IL1RAPL2: variants seen among roughly 807,000 people sequenced by gnomAD.
IL1RAPL2 encodes interleukin 1 receptor accessory protein like 2.
Under a neutral mutation model 44.1 loss-of-function variants are expected in IL1RAPL2, and 3 were observed. The observed-to-expected ratio is 0.07, with a 90% CI of 0.03 to 0.18. The LOEUF (loss-of-function observed/expected upper bound fraction) is 0.18. Among genes scored for constraint, IL1RAPL2 ranks in the 10% least tolerant of loss-of-function variants. The pLI is 1.00. For synonymous variants in IL1RAPL2, 181 were observed against 178.8 expected (o/e 1.01, Z -0.10); for missense variants, 391 against 496.4 (o/e 0.79, Z 2.02).
chrX:105,413,018 A>G (rs1488121494), intron 5 of IL1RAPL2, among the ~76,000 whole-genome samples: 11 of 111,704 alleles, frequency 9.8e-5, no homozygotes, highest in Admixed American at 2.9e-4. Flanking sequence ...ATCTCTACAT[A>G]GATGGCTGGA....
At chrX:105,178,081 TTCTA>T (rs1238543146) in intron 2 of IL1RAPL2, among the ~76,000 whole-genome samples, 3 of 111,882 alleles carry the variant, frequency 2.7e-5, no homozygotes, top group African/African-American at 9.8e-5. Context: ...ATCTTGTTTC[TTCTA>T]TCTAACCATA....
chrX:105,155,163 C>G (rs2033259300), intron 2 of IL1RAPL2, among the ~76,000 whole-genome samples: 1 of 111,428 alleles, frequency 9.0e-6, no homozygotes, highest in African/African-American at 3.3e-5. Flanking sequence ...TGCTTACCCC[C>G]TAGTGTCTTT....
intron 2 of IL1RAPL2, among the ~76,000 whole-genome samples, chrX:104,897,758 G>A (rs1048840630): frequency 3.6e-5 from 4 of 112,058 alleles, no homozygotes; most frequent in Non-Finnish European, 7.5e-5. Flanking sequence ...GCATTATAGT[G>A]CCTGTGACCT....
In IL1RAPL2 at chrX:104,600,832, G is replaced by T. The variant is rs1311483660; in HGVS notation, c.-20+33781G>T. Among the ~76,000 whole-genome samples, 7 of 111,429 alleles carry T rather than the reference G, an allele frequency of 6.3e-5. No homozygotes were observed. The Admixed American group carries it at 6.7e-4, about 11-fold the overall frequency. On this transcript the variant is annotated intron_variant, in intron 1 of 10. Coordinates refer to ENST00000372582, the MANE Select transcript of IL1RAPL2 (RefSeq NM_017416.2). ...TGGCTCCAGCTCCACCCATATTGCT[G>T]CAAAGGACATGATTTCATTATTTTT...
chrX:104,616,942 T>C (rs1051194586), intron 1 of IL1RAPL2, among the ~76,000 whole-genome samples: 6 of 111,962 alleles, frequency 5.4e-5, no homozygotes, highest in African/African-American at 1.9e-4. Flanking sequence ...GGTGAACCCA[T>C]TGGGTGGATA....
At chrX:104,721,518 G>A (rs1190718150) in intron 2 of IL1RAPL2, among the ~76,000 whole-genome samples, 1 of 110,262 alleles carries the variant, frequency 9.1e-6, no homozygotes, top group African/African-American at 3.3e-5. Context: ...AACACACATT[G>A]GGGCCTCTTG....
At chrX:104,599,813 T>C (rs1477271459) in intron 1 of IL1RAPL2, among the ~76,000 whole-genome samples, 2 of 111,389 alleles carry the variant, frequency 1.8e-5, no homozygotes, top group Non-Finnish European at 1.9e-5. Context: ...CAAGTTGTGC[T>C]GACGAGGGAG....
intron 2 of IL1RAPL2, among the ~76,000 whole-genome samples, chrX:105,143,562 T>A (rs936598144): frequency 5.4e-5 from 6 of 111,881 alleles, no homozygotes; most frequent in African/African-American, 1.3e-4. Flanking sequence ...CTAGAACTAG[T>A]AATACCATTT....
intron 2 of IL1RAPL2, among the ~76,000 whole-genome samples, chrX:104,978,790 T>C (rs1384583922): frequency 8.9e-6 from 1 of 111,998 alleles, no homozygotes; most frequent in East Asian, 2.8e-4. Context: ...CTTAGGAAAT[T>C]TATAGAACCT....
At chrX:105,477,919 G>T (rs2036208701) in intron 5 of IL1RAPL2, among the ~76,000 whole-genome samples, 1 of 111,770 alleles carries the variant, frequency 8.9e-6, no homozygotes, top group South Asian at 3.7e-4. Flanking sequence ...TTCAGAACTT[G>T]AGAAGTATTT....
At chrX:104,959,766 G>T (rs1335452445) in intron 2 of IL1RAPL2, among the ~76,000 whole-genome samples, 1 of 110,534 alleles carries the variant, frequency 9.0e-6, no homozygotes, top group Non-Finnish European at 1.9e-5. Flanking sequence ...AAAACATTGG[G>T]CAATCCCATA....
chrX:104,680,396 A>G (rs1930870483), intron 2 of IL1RAPL2, among the ~76,000 whole-genome samples: 1 of 111,288 alleles, frequency 9.0e-6, no homozygotes, highest in African/African-American at 3.3e-5. Context: ...GATAGCTTTC[A>G]TAAAATTTTC....
At chrX:105,033,229 A>T (rs897134968) in intron 2 of IL1RAPL2, among the ~76,000 whole-genome samples, 1 of 111,401 alleles carries the variant, frequency 9.0e-6, no homozygotes, top group Non-Finnish European at 1.9e-5. Context: ...TTACCTTTAA[A>T]GTTAATATTA....
chrX:105,482,631 G>A (rs1359864804), intron 5 of IL1RAPL2, among the ~76,000 whole-genome samples: 1 of 110,933 alleles, frequency 9.0e-6, no homozygotes, highest in Non-Finnish European at 1.9e-5. Flanking sequence ...AACTATTTTG[G>A]GAATCTCTCC....
intron 2 of IL1RAPL2, among the ~76,000 whole-genome samples, chrX:104,729,447 C>CTT (rs5903245): frequency 2.1e-3 from 98 of 46,440 alleles, no homozygotes; most frequent in South Asian, 4.3e-3. Flanking sequence ...GGCCTGCTGC[C>CTT]TTTTTTTTTT....
chrX:104,878,908 T>C (rs1307578595), intron 2 of IL1RAPL2, among the ~76,000 whole-genome samples: 5 of 110,722 alleles, frequency 4.5e-5, no homozygotes, highest in Non-Finnish European at 7.6e-5. Context: ...ATACCTGAAG[T>C]TGGCAAGAAA....
intron 2 of IL1RAPL2, among the ~76,000 whole-genome samples, chrX:104,974,973 G>A (rs762157134): frequency 8.9e-6 from 1 of 112,301 alleles, no homozygotes; most frequent in African/African-American, 3.2e-5. Context: ...CGCTGATCTT[G>A]CGATGCTTTC....
At chrX:105,650,042 C>A (rs1020053924) in intron 6 of IL1RAPL2, among the ~76,000 whole-genome samples, 8 of 111,194 alleles carry the variant, frequency 7.2e-5, no homozygotes, top group African/African-American at 2.6e-4. Context: ...CTGTCCTCCC[C>A]TAATTAGTGG....
At position 105,006,644 on chromosome X, in the gene IL1RAPL2, G is replaced by C. The variant is rs1021126650; in HGVS notation, c.83-188831G>C. 1.7e-4 allele frequency among the ~76,000 whole-genome samples: 19 copies of C among 110,910 alleles called. 1 individual carries two copies. Among genetic ancestry groups the C allele is most frequent in the Non-Finnish European group, 3.8e-5 (2 of 52,706 alleles). On this transcript the variant is annotated intron_variant, in intron 2 of 10. Transcript: ENST00000372582. The stretch of plus-strand genomic sequence containing the variant: ...TCTCAGGCAATTACTGTATGCATTT[G>C]AGAGTAAATTTTTATCCCACCAGAT...
Sources: allele counts gnomAD v4.1 joint callset (sites outside exome capture counted in the v4.1 genomes callset), GRCh38; gene constraint gnomAD v4.1.1; transcripts MANE v1.5; gene names NCBI Gene and HGNC (gene_info 2026-07-23, HGNC 2026-07-21).